Variants in MTERF4 observed in about 807,000 individuals in gnomAD.
The protein encoded by MTERF4 is transcription termination factor 4, mitochondrial.
Under a neutral mutation model 22.5 loss-of-function variants are expected in MTERF4, and 17 were observed. That is an observed-to-expected ratio of 0.75 (90% CI 0.52 to 1.13). MTERF4 has a LOEUF of 1.13. Ranked by LOEUF, MTERF4 falls within the 50% of genes most tolerant of loss-of-function variation. The probability of loss-of-function intolerance (pLI) is 0.00; values close to 1 mark genes in which losing one functional copy is unlikely to be tolerated. For missense variants in MTERF4, 420 were observed against 466.8 expected (o/e 0.90, Z 0.92); for synonymous variants, 165 against 175.3 (o/e 0.94, Z 0.47).
At chr2:241,080,236 A>T (rs1300065746) in intron 4 of MTERF4, among the ~76,000 whole-genome samples, 1 of 152,228 alleles carries the variant, frequency 6.6e-6, no homozygotes, top group Non-Finnish European at 1.5e-5. Flanking sequence ...GTGAGCTGAG[A>T]TCGCGACACT....
the MTERF4 span, among the ~76,000 whole-genome samples, chr2:241,059,384 A>AAG: frequency 6.6e-6 from 1 of 152,222 alleles, no homozygotes; most frequent in Non-Finnish European, 1.5e-5. Context: ...TCTAGGAGGG[A>AAG]AGAACACTTC....
chr2:241,096,628 C>T lies in MTERF4; in HGVS notation c.706-190G>A. The stretch of plus-strand genomic sequence containing the variant: ...AGTTTCAAAACACTTTCAAATTCAT[C>T]CTGAGAAACATGGAGCAGGAAATAA... On this transcript the variant is annotated intron_variant, in intron 3 of 3. Transcript: ENST00000391980. This position sits in a 1 kb window ranked among gnomAD's most constrained non-coding sequence, Gnocchi z 5.1. The T allele has an allele frequency of 1.4e-6, 1 of 727,762 alleles. No homozygotes were observed. Among genetic ancestry groups the T allele is most frequent in the East Asian group, 2.7e-5 (1 of 36,642 alleles). The allele number at this position is 727,762 out of a possible 1,614,324, so 45.1% of individuals were successfully genotyped here.
At chr2:241,058,152 TC>T in the MTERF4 span, among the ~76,000 whole-genome samples, 1 of 152,076 alleles carries the variant, frequency 6.6e-6, no homozygotes, top group South Asian at 2.1e-4. Flanking sequence ...TATATTACTA[TC>T]AGAAAAAGAA....
downstream of MTERF4, chr2:241,067,725 G>A (rs749227872): frequency 4.6e-5 from 71 of 1,557,888 alleles, no homozygotes; most frequent in Middle Eastern, 3.4e-4. Context: ...CCAGGAGCAA[G>A]GAGGGGCCGG....
chr2:241,056,657 T>G, the MTERF4 span, among the ~76,000 whole-genome samples: 184 of 144,722 alleles, frequency 1.3e-3, no homozygotes, highest in African/African-American at 4.7e-3. Flanking sequence ...CTCGGCTCAC[T>G]GCAATCTCCG....
chr2:241,049,711 G>C, the MTERF4 span: 1 of 786,356 alleles, frequency 1.3e-6, no homozygotes, highest in African/African-American at 1.7e-5. Flanking sequence ...CTTGGTTCCA[G>C]ACAGGATGTC....
chr2:241,089,497 G>A (rs977773521), downstream of MTERF4: 25 of 1,449,430 alleles, frequency 1.7e-5, no homozygotes, highest in Admixed American at 2.4e-5. Context: ...GGTCTGGGCC[G>A]GAGCTCCGCA....
At chr2:241,058,247 TTATAAA>T in the MTERF4 span, among the ~76,000 whole-genome samples, 1 of 152,184 alleles carries the variant, frequency 6.6e-6, no homozygotes, top group Admixed American at 6.5e-5. Flanking sequence ...GATACAATTA[TTATAAA>T]TATTCAAGCA....
At chr2:241,043,740 T>G in the MTERF4 span, among the ~76,000 whole-genome samples, 9 of 152,186 alleles carry the variant, frequency 5.9e-5, no homozygotes, top group African/African-American at 2.2e-4. Flanking sequence ...AGAAAGTAAA[T>G]ACTTTTGGCT....
the MTERF4 span, among the ~76,000 whole-genome samples, chr2:241,047,831 G>A: frequency 6.6e-6 from 1 of 151,714 alleles, no homozygotes; most frequent in African/African-American, 2.4e-5. Flanking sequence ...TGGTTTCTCT[G>A]GTGCTTCTTG....
chr2:241,094,011 C>T (rs960417176), downstream of MTERF4: 5 of 254,700 alleles, frequency 2.0e-5, no homozygotes, highest in South Asian at 8.2e-5. The surrounding 1 kb of genome is among the most constrained non-coding windows in gnomAD (Gnocchi z 4.3). Context: ...CTTAGTCCTC[C>T]GACTGGGTAC....
At chr2:241,101,527 C>T (rs2064707719) in intron 1 of MTERF4, among the ~76,000 whole-genome samples, 1 of 152,246 alleles carries the variant, frequency 6.6e-6, no homozygotes, top group Admixed American at 6.5e-5. Flanking sequence ...CCAACCCCTT[C>T]TCCAGCGTCA....
downstream of MTERF4, chr2:241,082,160 C>A: frequency 1.3e-6 from 1 of 776,616 alleles, no homozygotes; most frequent in Non-Finnish European, 2.1e-6. Context: ...CACCATCCCG[C>A]CTTGGAGGAA....
At chr2:241,083,508 T>C (rs1324872255), downstream of MTERF4, among the ~76,000 whole-genome samples, 2 of 152,306 alleles carry the variant, frequency 1.3e-5, no homozygotes, top group East Asian at 3.9e-4. Context: ...CATTAGAGCT[T>C]GGACATGAAG....
chr2:241,073,920 G>A lies in MTERF4; in HGVS notation n.2242C>T, dbSNP rs2062875523. On this transcript the variant is annotated non_coding_transcript_exon_variant, in exon 5 of 5. Transcript: ENST00000464344. This position sits in a 1 kb window ranked among gnomAD's most constrained non-coding sequence, Gnocchi z 6.6. The stretch of plus-strand genomic sequence containing the variant: ...ACCAAGCATCTGCTGAGCACCTGCA[G>A]TAAGAGTTCCCAGACGCTCACGAGG... 6.2e-6 allele frequency: 1 copy of A among 160,962 alleles called. No individual in the cohort carries two copies. Among genetic ancestry groups the A allele is most frequent in the Non-Finnish European group, 1.4e-5 (1 of 74,032 alleles). The allele number at this position is 160,962 out of a possible 1,614,324, so 10.0% of individuals were successfully genotyped here.
downstream of MTERF4, chr2:241,094,965 T>C (rs6737057): frequency 0.51 from 78,240 of 152,010 alleles, 23,077 homozygotes; most frequent in African/African-American, 0.82. This position sits in a 1 kb window ranked among gnomAD's most constrained non-coding sequence, Gnocchi z 4.3. Flanking sequence ...CAGGCCTCTA[T>C]CTCAGGGATC....
At chr2:241,087,982 C>A, downstream of MTERF4, 1 of 397,740 alleles carries the variant, frequency 2.5e-6, no homozygotes, top group Non-Finnish European at 4.4e-6. Flanking sequence ...AGTAGCCACA[C>A]GTACTTGTTT....
the MTERF4 span, among the ~76,000 whole-genome samples, chr2:241,051,066 G>A: frequency 1.3e-5 from 2 of 152,222 alleles, no homozygotes; most frequent in African/African-American, 4.8e-5. The surrounding 1 kb of genome is among the most constrained non-coding windows in gnomAD (Gnocchi z 4.7). Flanking sequence ...CTGCAGCGTG[G>A]GATGGCTGGC....
At chr2:241,054,971 G>A in the MTERF4 span, among the ~76,000 whole-genome samples, 1 of 152,122 alleles carries the variant, frequency 6.6e-6, no homozygotes, top group African/African-American at 2.4e-5. Context: ...ACAAAAACTA[G>A]CCGGGTGTGG....
Sources: allele counts gnomAD v4.1 joint callset (sites outside exome capture counted in the v4.1 genomes callset), GRCh38; gene constraint gnomAD v4.1.1; non-coding constraint Gnocchi (gnomAD v3.1); transcripts MANE v1.5; gene names NCBI Gene and HGNC (gene_info 2026-07-23, HGNC 2026-07-21).